EP400: variants seen among roughly 807,000 people sequenced by gnomAD.
EP400 encodes E1A-binding protein p400.
In EP400, 105 loss-of-function variants were observed where a neutral mutation model predicts 354.1. The ratio of observed to expected loss-of-function variants is 0.30; its 90% CI spans 0.25 to 0.35. The LOEUF (loss-of-function observed/expected upper bound fraction) is 0.35, where lower values mean the gene tolerates loss of function less well. Ranked by LOEUF, EP400 falls within the 10% of genes least tolerant of loss-of-function variation. The pLI is 1.00. For synonymous variants in EP400, 1,646 were observed against 1,716.9 expected, an observed-to-expected ratio of 0.96 and a Z score of 1.02; for missense variants, 3,280 against 4,121.0, an observed-to-expected ratio of 0.80 and a Z score of 5.59.
chr12:132,023,133 C>CT (rs752551086), intron 23 of EP400, among the ~76,000 whole-genome samples: 1,628 of 133,966 alleles, frequency 0.012, 21 homozygotes, highest in African/African-American at 0.034. Flanking sequence ...TACATTTCTG[C>CT]TTTTTTTTTT....
At chr12:132,058,353 A>AT (rs60226464) in intron 45 of EP400, among the ~76,000 whole-genome samples, 31,872 of 129,526 alleles carry the variant, frequency 0.25, 6,517 homozygotes, top group African/African-American at 0.56. Flanking sequence ...TAAAGATTGG[A>AT]TTTTTTTTTT....
chr12:131,963,687 C>T, intron 2 of EP400: 1 of 1,488,298 alleles, frequency 6.7e-7, no homozygotes, highest in African/African-American at 1.4e-5. Flanking sequence ...CCAAACTTTT[C>T]CTTCATCCAG....
At chr12:132,072,325 A>G (rs186838674) in intron 51 of EP400, among the ~76,000 whole-genome samples, 140 of 152,306 alleles carry the variant, frequency 9.2e-4, no homozygotes, top group Non-Finnish European at 1.7e-3. Context: ...ACTTGTTAAG[A>G]TGGAGTACCA....
intron 30 of EP400, among the ~76,000 whole-genome samples, chr12:132,036,461 C>T (rs556718450): frequency 3.0e-4 from 45 of 152,302 alleles, no homozygotes; most frequent in African/African-American, 1.0e-3. Context: ...CAGGTTCACA[C>T]GGAACGTCGT....
Position 132,027,377 on chromosome 12 carries a change from G to A in EP400, c.5015-60G>A, listed in dbSNP as rs778847143. 2.6e-5 allele frequency: 40 copies of A among 1,554,000 alleles called. No homozygotes were observed. The highest frequency in any genetic ancestry group is 3.4e-5 in the Non-Finnish European group (38 of 1,126,648). On this transcript the variant is annotated intron_variant, in intron 25 of 52. Transcript: ENST00000389561. This position sits in a 1 kb window ranked among gnomAD's most constrained non-coding sequence, Gnocchi z 4.9. ...GTGAGGTTCCATGGAGCATGCTGGT[G>A]TCAGATGAAATCCTGTGAACTTGGC... is the stretch of plus-strand genomic sequence containing the variant.
At chr12:132,041,405 C>T (rs1894902198) in intron 32 of EP400, among the ~76,000 whole-genome samples, 1 of 152,228 alleles carries the variant, frequency 6.6e-6, no homozygotes, top group South Asian at 2.1e-4. Context: ...AAGGCCTGTC[C>T]CCCAGCGGTG....
chr12:131,968,326 T>G (rs530349195), intron 2 of EP400, among the ~76,000 whole-genome samples: 2 of 152,366 alleles, frequency 1.3e-5, no homozygotes, highest in South Asian at 2.1e-4. Flanking sequence ...ATGCCATTTC[T>G]TGAACAGACG....
In EP400 at chr12:132,028,156, G is replaced by A. The variant is rs747684169; in HGVS notation, c.5249G>A (p.Arg1750His). 22 of 1,614,072 alleles carry A rather than the reference G, an allele frequency of 1.4e-5. No individual in the cohort carries two copies. Among genetic ancestry groups the A allele is most frequent in the South Asian group, 3.3e-5 (3 of 91,084 alleles). ...ALPSHGRVQW[R>H]GSLDGRRGKE... Reference sequence around the variant, plus strand: ...CCTAGCCATGGAAGGGTACAGTGGCGTGGGTCCCTGGATGGCCGTCGTGGG... The same window carrying A: ...CCTAGCCATGGAAGGGTACAGTGGCATGGGTCCCTGGATGGCCGTCGTGGG... Residue 1750 changes from arginine to histidine, a missense_variant, in exon 27 of 53, where the codon CGT (arginine) becomes CAT (histidine). Around this residue, in one of 20 missense-constraint regions of EP400, gnomAD observed 459 missense variants for 496.9 expected, o/e 0.92. Coordinates refer to ENST00000389561, the MANE Select transcript of EP400 (RefSeq NM_015409.5).
Position 132,011,506 on chromosome 12 carries a change from G to C in EP400, c.3313G>C (p.Gly1105Arg). The change falls in exon 16 of 53, where the codon GGC becomes CGC. Residue 1105 changes from glycine to arginine, a missense_variant. Transcript: ENST00000389561. ...AHLACNEGNW[G>R]PHLVVVRSCN... is the part of the protein sequence containing the mutation. ...TGTTTTTTGCTTTGTAGGTAATTGG[G>C]GCCCCCATCTTGTTGTTGTGAGAAG... is the stretch of plus-strand genomic sequence containing the variant. The C allele has an allele frequency of 6.2e-7, 1 of 1,611,940 alleles. No individual in the cohort carries two copies. The highest frequency in any genetic ancestry group is 8.5e-7 in the Non-Finnish European group (1 of 1,179,380).
At chr12:131,988,905 T>G (rs1453578724) in intron 7 of EP400, among the ~76,000 whole-genome samples, 2 of 152,276 alleles carry the variant, frequency 1.3e-5, no homozygotes, top group African/African-American at 4.8e-5. Context: ...TCATGTAGGG[T>G]AGGCAGAGAG....
At chr12:132,024,336 G>A (rs1210053405) in intron 24 of EP400, among the ~76,000 whole-genome samples, 1 of 152,164 alleles carries the variant, frequency 6.6e-6, no homozygotes, top group Non-Finnish European at 1.5e-5. Context: ...TCGTGTCACT[G>A]CACTCCAGCC....
In EP400 at chr12:131,982,405, C is replaced by T. The variant is rs1223660398; in HGVS notation, c.1856C>T (p.Ala619Val). The change falls in exon 5 of 53, where the codon GCA becomes GTA. Residue 619 changes from alanine to valine, a missense_variant. Transcript: ENST00000389561. ...CTCCCCATCCCTCCCTCGCAGCCTGCACAGCTGGCCCTCCACGTTCCCACA... is the reference window on the plus strand; with the variant it reads ...CTCCCCATCCCTCCCTCGCAGCCTGTACAGCTGGCCCTCCACGTTCCCACA... ...SQLPIPPSQP[A>V]QLALHVPTPG... 2 of 1,614,078 alleles carry T rather than the reference C, an allele frequency of 1.2e-6. No homozygotes were observed. The highest frequency in any genetic ancestry group is 1.3e-5 in the African/African-American group (1 of 74,942).
chr12:132,050,870 G>A lies in EP400; in HGVS notation c.7394+215G>A. On this transcript the variant is annotated intron_variant, in intron 41 of 52. Transcript: ENST00000389561. The surrounding 1 kb of genome is among the most constrained non-coding windows in gnomAD (Gnocchi z 4.8). ...CCCTGCCCTGTCTCTGTGTTACAGGGATTGTCCTTGCTGGCCCTCAGTGGG... is the reference window on the plus strand; with the variant it reads ...CCCTGCCCTGTCTCTGTGTTACAGGAATTGTCCTTGCTGGCCCTCAGTGGG... 1 of 606,650 alleles carries A rather than the reference G, an allele frequency of 1.6e-6. No homozygotes were observed. Among genetic ancestry groups the A allele is most frequent in the Non-Finnish European group, 2.9e-6 (1 of 343,538 alleles). 37.6% of individuals were successfully genotyped at this position (606,650 alleles called of 1,614,324 possible). A position where few individuals can be genotyped will look rare whatever the true frequency, so the allele number is the denominator to read the frequency against.
At chr12:131,971,886 C>T (rs965348383) in intron 2 of EP400, among the ~76,000 whole-genome samples, 3 of 152,046 alleles carry the variant, frequency 2.0e-5, no homozygotes, top group Non-Finnish European at 4.4e-5. Flanking sequence ...TGAAAGATAT[C>T]TTACTGTTTA....
At chr12:132,055,849 G>A (rs370844849) in intron 45 of EP400, among the ~76,000 whole-genome samples, 37 of 151,880 alleles carry the variant, frequency 2.4e-4, no homozygotes, top group African/African-American at 7.7e-4. Flanking sequence ...TTCTATTGCC[G>A]CAGGTGCCCC....
At chr12:132,046,483 A>C (rs1895101785) in intron 39 of EP400, among the ~76,000 whole-genome samples, 2 of 152,252 alleles carry the variant, frequency 1.3e-5, no homozygotes, top group South Asian at 4.1e-4. Context: ...TGGTACCGAA[A>C]GACTGGCTGG....
At position 132,019,913 on chromosome 12, in the gene EP400, C is replaced by T. The variant is rs892492400; in HGVS notation, c.4278-136C>T. ...TACTTAGGCATCTTTCCCCTTCCCTCTGTAAACTGCACTCTGGGTGCTGGT... is the reference window on the plus strand; with the variant it reads ...TACTTAGGCATCTTTCCCCTTCCCTTTGTAAACTGCACTCTGGGTGCTGGT... On this transcript the variant is annotated intron_variant, in intron 21 of 52. Transcript: ENST00000389561. 7 of 947,398 alleles carry T rather than the reference C, an allele frequency of 7.4e-6. No individual in the cohort carries two copies. The Admixed American group carries it at 1.1e-4, about 15-fold the overall frequency. 58.7% of individuals were successfully genotyped at this position (947,398 alleles called of 1,614,324 possible).
intron 21 of EP400, 125 bp from the exon 22 acceptor site, chr12:132,019,924 A>G: frequency 9.6e-7 from 1 of 1,036,664 alleles, no homozygotes; most frequent in Non-Finnish European, 1.3e-6. Flanking sequence ...TGTAAACTGC[A>G]CTCTGGGTGC....
Position 132,025,277 on chromosome 12 carries a change from A to C in EP400, c.4856-369A>C, listed in dbSNP as rs1480171478. On this transcript the variant is annotated intron_variant, in intron 24 of 52. Transcript: ENST00000389561. The surrounding 1 kb of genome is among the most constrained non-coding windows in gnomAD (Gnocchi z 4.1). ...AAAGCCACAGGCATCTGGGCTAAAA[A>C]CAGGGTTTTGTTCTATTTCTTCATT... 6.6e-6 allele frequency among the ~76,000 whole-genome samples: 1 copy of C among 152,178 alleles called. No homozygotes were observed.
Sources: gnomAD v4.1 joint callset for allele counts (sites outside exome capture counted in the v4.1 genomes callset) on GRCh38, gnomAD v4.1.1 for gene constraint, gnomAD v4.1.1 regional missense constraint, Gnocchi (gnomAD v3.1) non-coding constraint, MANE v1.5 for transcripts, NCBI Gene and HGNC (gene_info 2026-07-23, HGNC 2026-07-21) for gene names.